TANC1: variants seen among roughly 807,000 people sequenced by gnomAD.
The protein encoded by TANC1 is protein TANC1.
In TANC1, 77 loss-of-function variants were observed where a neutral mutation model predicts 149.7. That is an observed-to-expected ratio of 0.51 (90% CI 0.43 to 0.62). The LOEUF (loss-of-function observed/expected upper bound fraction) is 0.62, where lower values mean the gene tolerates loss of function less well. TANC1 is among the 20% of genes least tolerant of loss of function. The probability of loss-of-function intolerance (pLI) is 0.00; values close to 1 mark genes in which losing one functional copy is unlikely to be tolerated. For missense variants in TANC1, 1,985 were observed against 2,321.8 expected (o/e 0.85, Z 2.98); for synonymous variants, 854 against 925.0 (o/e 0.92, Z 1.39).
chr2:158,981,528 T>TATATATATATAC (rs2034369009), intron 1 of TANC1, among the ~76,000 whole-genome samples: 4 of 114,544 alleles, frequency 3.5e-5, no homozygotes, highest in African/African-American at 1.3e-4. Context: ...TATATATATA[T>TATATATATATAC]ATATATATAT....
chr2:159,162,020 G>A (rs2054095686), intron 7 of TANC1, among the ~76,000 whole-genome samples: 1 of 152,234 alleles, frequency 6.6e-6, no homozygotes, highest in Non-Finnish European at 1.5e-5. Context: ...TAGGCAACCA[G>A]AGAGGGTGAT....
At chr2:158,971,037 A>G (rs1271661210) in intron 1 of TANC1, among the ~76,000 whole-genome samples, 1 of 152,222 alleles carries the variant, frequency 6.6e-6, no homozygotes, top group Non-Finnish European at 1.5e-5. Context: ...AACAGCCTGT[A>G]GAAAAAAGAA....
At chr2:159,082,038 T>C (rs907848114) in intron 3 of TANC1, among the ~76,000 whole-genome samples, 4 of 152,186 alleles carry the variant, frequency 2.6e-5, no homozygotes, top group African/African-American at 9.6e-5. Flanking sequence ...TGCCCAGCCC[T>C]GCCCTGCCCA....
At chr2:159,094,162 A>G (rs2045842628) in intron 3 of TANC1, among the ~76,000 whole-genome samples, 1 of 152,116 alleles carries the variant, frequency 6.6e-6, no homozygotes, top group Non-Finnish European at 1.5e-5. Context: ...AGTAGGGGAG[A>G]CAGTGCCTTT....
chr2:159,016,339 C>G (rs1004144932), intron 2 of TANC1, among the ~76,000 whole-genome samples: 1 of 152,174 alleles, frequency 6.6e-6, no homozygotes, highest in Non-Finnish European at 1.5e-5. Context: ...TCAATTATCT[C>G]CCACTGAGTC....
chr2:159,188,161 TTTTA>T (rs2057157208), intron 16 of TANC1, among the ~76,000 whole-genome samples: 1 of 151,052 alleles, frequency 6.6e-6, no homozygotes, highest in South Asian at 2.1e-4. Flanking sequence ...CTTCTGTTTC[TTTTA>T]TCTTTCAAGG....
intron 6 of TANC1, 94 bp from the exon 7 acceptor site, chr2:159,150,276 G>T: frequency 2.0e-6 from 2 of 1,012,640 alleles, no homozygotes; most frequent in Non-Finnish European, 2.9e-6. Flanking sequence ...CCGTTTTCCT[G>T]TTCTTAGTTT....
chr2:159,207,439 C>A (rs1044378562), intron 19 of TANC1, among the ~76,000 whole-genome samples: 1 of 152,134 alleles, frequency 6.6e-6, no homozygotes, highest in Non-Finnish European at 1.5e-5. Flanking sequence ...CAGTGGCTCA[C>A]GCCTGTAATC....
intron 1 of TANC1, among the ~76,000 whole-genome samples, chr2:158,983,565 A>G (rs890207924): frequency 6.6e-6 from 1 of 152,004 alleles, no homozygotes; most frequent in Non-Finnish European, 1.5e-5. Context: ...TTTTATGAAA[A>G]TCAGTATTTA....
chr2:159,015,465 CT>C (rs2038178786), intron 2 of TANC1, among the ~76,000 whole-genome samples: 1 of 152,224 alleles, frequency 6.6e-6, no homozygotes, highest in African/African-American at 2.4e-5. Flanking sequence ...CTGATATGCA[CT>C]GGAGACATTT....
At chr2:159,122,659 C>T (rs1476023758) in intron 4 of TANC1, among the ~76,000 whole-genome samples, 2 of 152,000 alleles carry the variant, frequency 1.3e-5, no homozygotes, top group Admixed American at 1.3e-4. Flanking sequence ...TTTCAGATGT[C>T]GTGTTTAGAA....
In TANC1 at chr2:159,097,777, C is replaced by A. The variant is rs781263697; in HGVS notation, c.202C>A (p.Pro68Thr). ...TGTCTCGATGTCTCTGCCTTCCTCA[C>A]CTTTGCTGCCTCGACAGTCTCACTT... ...KGVSMSLPSS[P>T]LLPRQSHLVQ... Residue 68 changes from proline (P) to threonine (T), a missense_variant, in exon 4 of 27, where the codon CCT becomes ACT. Around this residue, in one of 3 missense-constraint regions of TANC1, gnomAD observed 557 missense variants for 612.9 expected, o/e 0.91. Coordinates refer to ENST00000263635, the MANE Select transcript of TANC1 (RefSeq NM_033394.3). The A allele has an allele frequency of 6.2e-7, 1 of 1,614,058 alleles. No individual in the cohort carries two copies. Among genetic ancestry groups the A allele is most frequent in the South Asian group, 1.1e-5 (1 of 91,078 alleles).
chr2:159,138,625 A>G (rs912323150), intron 5 of TANC1, among the ~76,000 whole-genome samples: 3 of 152,212 alleles, frequency 2.0e-5, no homozygotes, highest in Non-Finnish European at 4.4e-5. Context: ...GTTTAATATC[A>G]GCATCATCAC....
intron 5 of TANC1, among the ~76,000 whole-genome samples, chr2:159,145,934 A>G (rs1285281561): frequency 2.6e-5 from 4 of 152,220 alleles, no homozygotes; most frequent in African/African-American, 9.6e-5. Context: ...GTATTGGGTA[A>G]TGTACACCCA....
intron 3 of TANC1, among the ~76,000 whole-genome samples, chr2:159,097,031 G>A (rs569609185): frequency 2.6e-5 from 4 of 152,082 alleles, no homozygotes; most frequent in Admixed American, 1.3e-4. Context: ...AGTGTCAAGC[G>A]GAAGCTGCCT....
intron 3 of TANC1, among the ~76,000 whole-genome samples, chr2:159,082,807 A>C (rs1362156212): frequency 6.6e-6 from 1 of 152,236 alleles, no homozygotes; most frequent in East Asian, 1.9e-4. Flanking sequence ...CTTTGGCTTT[A>C]CAAGAATGGG....
Position 159,223,925 on chromosome 2 carries a change from C to T in TANC1, c.3679-307C>T, listed in dbSNP as rs557504934. ...TGGAGATGCAAAGGTGACTATGTCC[C>T]GTCTCTGTGGCCTGGGAAGTGGTGT... is the stretch of plus-strand genomic sequence containing the variant. On this transcript the variant is annotated intron_variant, in intron 22 of 26. Coordinates refer to ENST00000263635, the MANE Select transcript of TANC1 (RefSeq NM_033394.3). Among the ~76,000 whole-genome samples, 8 of 152,236 alleles carry T rather than the reference C, an allele frequency of 5.3e-5. No homozygotes were observed. In the South Asian group the frequency reaches 1.0e-3, roughly 20 times the overall value.
intron 2 of TANC1, chr2:159,056,494 G>A (rs2041868441): frequency 6.5e-6 from 1 of 153,446 alleles, no homozygotes; most frequent in African/African-American, 2.4e-5. Context: ...TGTATTTTCA[G>A]TAGAGACGGG....
chr2:159,004,445 T>C (rs1300909083), intron 2 of TANC1: 1 of 760,668 alleles, frequency 1.3e-6, no homozygotes, highest in African/African-American at 1.8e-5. Context: ...TTTTCTATAT[T>C]AATAATGCTG....
Sources: allele counts gnomAD v4.1 joint callset (sites outside exome capture counted in the v4.1 genomes callset), GRCh38; gene constraint gnomAD v4.1.1; regional missense constraint gnomAD v4.1.1; transcripts MANE v1.5; gene names NCBI Gene and HGNC (gene_info 2026-07-23, HGNC 2026-07-21).